Variants in BCL2L1 observed in about 807,000 individuals in gnomAD.
The protein encoded by BCL2L1 is BCL2 like 1.
In BCL2L1, 1 loss-of-function variant was observed where a neutral mutation model predicts 18.7. That is an observed-to-expected ratio of 0.05 (90% confidence interval 0.02 to 0.25). The LOEUF is 0.25. BCL2L1 is among the 10% of genes least tolerant of loss of function. BCL2L1 has a pLI of 1.00. For synonymous variants in BCL2L1, 103 were observed against 122.7 expected (o/e 0.84, Z 1.06); for missense variants, 207 against 304.9 (o/e 0.68, Z 2.39).
intron 2 of BCL2L1, among the ~76,000 whole-genome samples, chr20:31,673,450 C>T (rs192610002): frequency 2.0e-5 from 3 of 151,060 alleles, no homozygotes; most frequent in South Asian, 2.1e-4. Flanking sequence ...CTGAGACCAG[C>T]CTGGGCAACA....
intron 2 of BCL2L1, chr20:31,720,421 G>C (rs1568904995): frequency 3.3e-6 from 2 of 606,744 alleles, no homozygotes; most frequent in Non-Finnish European, 4.1e-6. Flanking sequence ...TGCATACTCT[G>C]AGGGGATAGA....
chr20:31,691,586 C>T (rs1268383442), intron 2 of BCL2L1, among the ~76,000 whole-genome samples: 1 of 149,492 alleles, frequency 6.7e-6, no homozygotes, highest in Non-Finnish European at 1.5e-5. Context: ...GGTGTGGTGG[C>T]GCCCGGCGAA....
chr20:31,717,174 C>T (rs1600935216), intron 2 of BCL2L1, among the ~76,000 whole-genome samples: 1 of 152,198 alleles, frequency 6.6e-6, no homozygotes, highest in African/African-American at 2.4e-5. Context: ...CAGGCAAAAC[C>T]ACAGTTGCTT....
chr20:31,723,293 G>A (rs1299218899), upstream of BCL2L1: 3 of 985,780 alleles, frequency 3.0e-6, no homozygotes, highest in East Asian at 3.4e-4. Flanking sequence ...CGGACACAAT[G>A]GCCGCCGGCG....
At chr20:31,690,867 G>A (rs1443034377) in intron 2 of BCL2L1, among the ~76,000 whole-genome samples, 4 of 151,974 alleles carry the variant, frequency 2.6e-5, no homozygotes, top group African/African-American at 9.7e-5. Flanking sequence ...TAATACAGTA[G>A]GCCAGGCACG....
At chr20:31,685,444 T>C (rs2060941094) in intron 2 of BCL2L1, among the ~76,000 whole-genome samples, 1 of 151,998 alleles carries the variant, frequency 6.6e-6, no homozygotes, top group Non-Finnish European at 1.5e-5. Flanking sequence ...GAAGATTCTA[T>C]TTGGAAAAAT....
chr20:31,670,356 G>A (rs1453242041), intron 2 of BCL2L1, among the ~76,000 whole-genome samples: 11 of 152,186 alleles, frequency 7.2e-5, no homozygotes, highest in Admixed American at 5.9e-4. Flanking sequence ...GAAGGCCCTG[G>A]TTATCCCAAG....
At chr20:31,669,846 A>G (rs1031643048) in intron 2 of BCL2L1, among the ~76,000 whole-genome samples, 1 of 152,278 alleles carries the variant, frequency 6.6e-6, no homozygotes, top group East Asian at 1.9e-4. Context: ...TGAGTTAACA[A>G]ATGTATTGCA....
chr20:31,668,887 GAGCCACCATGCCC>G (rs558518942), intron 2 of BCL2L1, among the ~76,000 whole-genome samples: 74 of 152,070 alleles, frequency 4.9e-4, no homozygotes, highest in Non-Finnish European at 8.2e-4. Context: ...TTACAGGCAT[GAGCCACCATGCCC>G]AGCCACCATT....
chr20:31,711,840 A>G (rs2061456703), intron 2 of BCL2L1, among the ~76,000 whole-genome samples: 1 of 152,234 alleles, frequency 6.6e-6, no homozygotes, highest in Admixed American at 6.5e-5. Flanking sequence ...TGGTAAATTG[A>G]AAGTATTATC....
chr20:31,693,671 T>C (rs899970228), intron 2 of BCL2L1, among the ~76,000 whole-genome samples: 6 of 152,164 alleles, frequency 3.9e-5, no homozygotes, highest in Admixed American at 6.5e-5. Flanking sequence ...GCTGGAGTTA[T>C]AGGCGTGCAC....
intron 2 of BCL2L1, among the ~76,000 whole-genome samples, chr20:31,690,573 A>ATT (rs112840835): frequency 1.8e-4 from 25 of 141,790 alleles, no homozygotes; most frequent in Non-Finnish European, 2.0e-4. Context: ...GTCAGTATGT[A>ATT]TTTTTTTTTT....
chr20:31,686,962 T>G (rs1276918882), intron 2 of BCL2L1, among the ~76,000 whole-genome samples: 1 of 152,166 alleles, frequency 6.6e-6, no homozygotes, highest in Admixed American at 6.5e-5. Context: ...TACACTCAGT[T>G]TTCTAATCTG....
chr20:31,721,054 A>G, intron 2 of BCL2L1: 2 of 847,930 alleles, frequency 2.4e-6, no homozygotes, highest in Non-Finnish European at 2.8e-6. Flanking sequence ...CAATCTGCAC[A>G]GCCTACACTG....
intron 2 of BCL2L1, among the ~76,000 whole-genome samples, chr20:31,670,341 T>C (rs568003411): frequency 7.0e-4 from 107 of 152,200 alleles, no homozygotes; most frequent in African/African-American, 2.4e-3. Flanking sequence ...ATGAAGAGCA[T>C]AGGAGAAGGC....
chr20:31,672,595 T>C (rs2060688797), intron 2 of BCL2L1, among the ~76,000 whole-genome samples: 1 of 152,106 alleles, frequency 6.6e-6, no homozygotes, highest in South Asian at 2.1e-4. Context: ...GGGGGCTCAG[T>C]GCAGGCAGGG....
chr20:31,719,081 AC>A (rs1399176311), intron 2 of BCL2L1, among the ~76,000 whole-genome samples: 1 of 152,110 alleles, frequency 6.6e-6, no homozygotes, highest in Non-Finnish European at 1.5e-5. Context: ...GAATAAACTC[AC>A]CTTCCTTGGA....
intron 2 of BCL2L1, among the ~76,000 whole-genome samples, chr20:31,719,191 T>C (rs34831296): frequency 2.6e-4 from 39 of 152,284 alleles, no homozygotes; most frequent in Admixed American, 2.2e-3. Context: ...AGCTTCACAG[T>C]AGATGCTCAA....
intron 2 of BCL2L1, among the ~76,000 whole-genome samples, chr20:31,692,141 TG>T (rs2061085696): frequency 2.0e-5 from 3 of 152,216 alleles, no homozygotes; most frequent in Admixed American, 1.3e-4. Flanking sequence ...TCAAACACTT[TG>T]GGGGTGGAGC....
Sources: allele counts gnomAD v4.1 joint callset (sites outside exome capture counted in the v4.1 genomes callset), GRCh38; gene constraint gnomAD v4.1.1; transcripts MANE v1.5; gene names NCBI Gene and HGNC (gene_info 2026-07-23, HGNC 2026-07-21).